The following NOL8 variants were observed in gnomAD, a reference collection of about 807,000 sequenced individuals.
The protein encoded by NOL8 is nucleolar protein 8.
NOL8 carries 93 observed loss-of-function variants against 116.1 expected under a neutral mutation model. The observed-to-expected ratio is 0.80, with a 90% CI of 0.68 to 0.95. The LOEUF is 0.95. Among genes scored for constraint, NOL8 ranks in the 40% least tolerant of loss-of-function variants. The probability of loss-of-function intolerance (pLI) is 0.00; values close to 1 mark genes in which losing one functional copy is unlikely to be tolerated. For synonymous variants in NOL8, 419 were observed against 469.0 expected (o/e 0.89, Z 1.38); for missense variants, 1,291 against 1,382.8 (o/e 0.93, Z 1.05).
chr9:92,308,011 G>A (rs1409051628), intron 10 of NOL8, among the ~76,000 whole-genome samples: 3 of 152,142 alleles, frequency 2.0e-5, no homozygotes, highest in Non-Finnish European at 4.4e-5. Context: ...AAGCATTAGG[G>A]AAGTAGATTA....
rs775443454 is a variant in NOL8 at position 92,314,790 on chromosome 9, G to A, written c.1835C>T (p.Ser612Phe). The change falls in exon 7 of 17, where the codon TCC becomes TTC. Residue 612 changes from serine (S) to phenylalanine (F), a missense_variant. Physicochemically the swap from Ser to Phe is radical, Grantham distance 155. Transcript: ENST00000442668. ...AACATATGGGGACCCATCTTCCATG[G>A]ATATGATACTGGGATCCTCATGTTT... ...SMKHEDPSII[S>F]MEDGSPYVNG... 5.6e-6 allele frequency: 9 copies of A among 1,613,620 alleles called. No homozygotes were observed. In the South Asian group the frequency reaches 9.9e-5, roughly 18 times the overall value.
Position 92,298,290 on chromosome 9 carries a change from G to C in NOL8, c.3420C>G (p.Asn1140Lys). Residue 1140 changes from asparagine (N) to lysine (K), a missense_variant, in exon 16 of 17, where the codon AAC (asparagine) becomes AAG (lysine). Physicochemically the swap from Asn to Lys is moderately conservative, Grantham distance 94 (BLOSUM62 0). Coordinates refer to ENST00000442668, the MANE Select transcript of NOL8 (RefSeq NM_017948.6). ...GGTTGGTTGTTCTGGCCTCCCAAGA[G>C]TTCCTGCTCATATTACTTCCTACTC... is the stretch of plus-strand genomic sequence containing the variant. The part of the protein sequence containing the change: ...WRGVGSNMSR[N>K]SWEARTTNLR... The C allele has an allele frequency of 6.2e-7, 1 of 1,609,566 alleles. No homozygotes were observed. Among genetic ancestry groups the C allele is most frequent in the Admixed American group, 1.7e-5 (1 of 59,504 alleles).
chr9:92,310,695 T>G lies in NOL8; in HGVS notation c.2473-20A>C, dbSNP rs542605582. ...AGACTCCTGTGAAGAAACACAACAT[T>G]TATTAATAGCAGAGGCAAACAAGCA... On this transcript the variant is annotated intron_variant, in intron 8 of 16. Coordinates refer to ENST00000442668, the MANE Select transcript of NOL8 (RefSeq NM_017948.6). 2 of 1,586,704 alleles carry G rather than the reference T, an allele frequency of 1.3e-6. No individual in the cohort carries two copies. The highest frequency in any genetic ancestry group is 3.7e-5 in the Admixed American group (2 of 53,422).
rs758490694 is a variant in NOL8, at chr9:92,319,298, C to A, written c.340G>T (p.Ala114Ser). The A allele has an allele frequency of 5.6e-6, 9 of 1,596,784 alleles. No homozygotes were observed. The highest frequency in any genetic ancestry group is 6.8e-6 in the Non-Finnish European group (8 of 1,173,310). Residue 114 changes from alanine to serine, a missense_variant, in exon 5 of 17, where the codon GCC (alanine) becomes TCC (serine). Physicochemically the swap from Ala to Ser is moderately conservative, Grantham distance 99. Transcript: ENST00000442668. Reference sequence around the variant, plus strand: ...CCTCCTGTCTTTTCTAACAAGTTGGCGTTACCTGTTGTTGATTCTTCTTTC... The same window carrying A: ...CCTCCTGTCTTTTCTAACAAGTTGGAGTTACCTGTTGTTGATTCTTCTTTC... ...AKKEESTTGN[A>S]NLLEKTGGVD...
chr9:92,311,774 C>T (rs1838817635), intron 7 of NOL8, among the ~76,000 whole-genome samples: 1 of 152,164 alleles, frequency 6.6e-6, no homozygotes, highest in African/African-American at 2.4e-5. Context: ...CATTCACCCA[C>T]AGTGGAAAGC....
chr9:92,312,458 A>G (rs1449502923), intron 7 of NOL8, among the ~76,000 whole-genome samples: 1 of 150,498 alleles, frequency 6.6e-6, no homozygotes, highest in South Asian at 2.1e-4. Context: ...AAAAAAAAAA[A>G]AAAAAAAAAA....
Position 92,297,894 on chromosome 9 carries a change from A to G in NOL8, c.3454-8T>C, listed in dbSNP as rs1239026045. The G allele has an allele frequency of 6.5e-7, 1 of 1,539,344 alleles. No individual in the cohort carries two copies. Among genetic ancestry groups the G allele is most frequent in the Non-Finnish European group, 8.8e-7 (1 of 1,142,416 alleles). The stretch of plus-strand genomic sequence containing the variant: ...ATGTTTCTTTCGACAATCCTAGGAA[A>G]AAAAAAAGACTTGGTTAGCAATAAA... On this transcript the variant is annotated splice_region_variant and splice_polypyrimidine_tract_variant and intron_variant, in intron 16 of 16. Transcript: ENST00000442668.
intron 12 of NOL8, among the ~76,000 whole-genome samples, chr9:92,302,876 C>T (rs749270424): frequency 6.6e-6 from 1 of 152,066 alleles, no homozygotes; most frequent in Non-Finnish European, 1.5e-5. Context: ...GAGAAGGTTG[C>T]AGGTAAGGGC....
intron 2 of NOL8, 128 bp downstream of exon 2, chr9:92,323,895 T>C: frequency 9.8e-7 from 1 of 1,019,860 alleles, no homozygotes; most frequent in Non-Finnish European, 1.4e-6. Flanking sequence ...TCACACATTA[T>C]ACCTCCACAA....
intron 3 of NOL8, chr9:92,323,168 G>T: frequency 1.7e-6 from 1 of 591,514 alleles, no homozygotes; most frequent in Non-Finnish European, 2.7e-6. Flanking sequence ...ATATGTAACA[G>T]GCAGTTTCTA....
At position 92,321,679 on chromosome 9, in the gene NOL8, G is replaced by T; in HGVS notation, c.270C>A (p.Ser90Arg). The change falls in exon 4 of 17, where the codon AGC becomes AGA. Residue 90 changes from serine to arginine, a missense_variant. Ser to Arg is a moderately radical substitution (Grantham distance 110). Transcript: ENST00000442668. ...GTLQIQLAKE[S>R]FLHRLAQERE... The stretch of plus-strand genomic sequence containing the variant: ...GGAGCAAAACTTACCTGTGCAGAAA[G>T]CTTTCTTTTGCTAGTTGAATTTGTA... 6.5e-7 allele frequency: 1 copy of T among 1,532,270 alleles called. No individual in the cohort carries two copies. The highest frequency in any genetic ancestry group is 8.8e-7 in the Non-Finnish European group (1 of 1,140,926). 94.9% of individuals were successfully genotyped at this position (1,532,270 alleles called of 1,614,324 possible).
At chr9:92,320,674 T>C (rs938470582) in intron 4 of NOL8, among the ~76,000 whole-genome samples, 3 of 152,018 alleles carry the variant, frequency 2.0e-5, no homozygotes, top group Non-Finnish European at 4.4e-5. Flanking sequence ...TGGCACAATG[T>C]AGGCTCACTG....
intron 3 of NOL8, 136 bp from the exon 4 acceptor site, chr9:92,321,882 A>C: frequency 1.8e-6 from 1 of 559,514 alleles, no homozygotes; most frequent in Non-Finnish European, 3.1e-6. Flanking sequence ...GAAGAAAAGA[A>C]ATGAGACCTG....
chr9:92,312,330 T>C (rs927473687), intron 7 of NOL8, among the ~76,000 whole-genome samples: 14 of 150,608 alleles, frequency 9.3e-5, no homozygotes, highest in African/African-American at 3.4e-4. Flanking sequence ...GGCACGTGAC[T>C]GTAGTCCCAG....
At chr9:92,322,230 G>C (rs1350775904) in intron 3 of NOL8, among the ~76,000 whole-genome samples, 3 of 152,170 alleles carry the variant, frequency 2.0e-5, no homozygotes, top group Non-Finnish European at 4.4e-5. Flanking sequence ...ACTTGCAGAT[G>C]AATTAACTAT....
chr9:92,317,173 G>A (rs1318713706), intron 6 of NOL8, among the ~76,000 whole-genome samples: 1 of 152,102 alleles, frequency 6.6e-6, no homozygotes, highest in Admixed American at 6.5e-5. Context: ...ATGTTGCCTA[G>A]ACTGGTCGCA....
chr9:92,318,552 T>C, intron 6 of NOL8, 66 bp downstream of exon 6: 1 of 1,134,330 alleles, frequency 8.8e-7, no homozygotes, highest in Non-Finnish European at 1.3e-6. Flanking sequence ...GACAGTGAAA[T>C]GCTAAAGGTA....
chr9:92,321,294 C>T (rs1286386617), intron 4 of NOL8, among the ~76,000 whole-genome samples: 1 of 152,094 alleles, frequency 6.6e-6, no homozygotes, highest in Non-Finnish European at 1.5e-5. Context: ...GGGAAGGGAC[C>T]ACTACATTGT....
intron 7 of NOL8, among the ~76,000 whole-genome samples, chr9:92,312,693 G>A (rs1838930679): frequency 6.6e-6 from 1 of 151,254 alleles, no homozygotes. Flanking sequence ...TGGGCGTGGT[G>A]GCAGGTGCCT....
Sources: gnomAD v4.1 joint callset for allele counts (sites outside exome capture counted in the v4.1 genomes callset) on GRCh38, gnomAD v4.1.1 for gene constraint, MANE v1.5 for transcripts, NCBI Gene and HGNC (gene_info 2026-07-23, HGNC 2026-07-21) for gene names.